PDCD6: variants seen among roughly 807,000 people sequenced by gnomAD.
PDCD6 encodes programmed cell death 6, also known as programmed cell death protein 6.
Under a neutral mutation model 28.3 loss-of-function variants are expected in PDCD6, and 12 were observed. The ratio of observed to expected loss-of-function variants is 0.42; its 90% confidence interval spans 0.27 to 0.69. The LOEUF (loss-of-function observed/expected upper bound fraction) is 0.69. PDCD6 is among the 30% of genes least tolerant of loss of function. The pLI, the probability that PDCD6 is intolerant of heterozygous loss-of-function variation, is 0.22. For synonymous variants in PDCD6, 92 were observed against 108.0 expected (o/e 0.85, Z 0.92); for missense variants, 226 against 269.9 (o/e 0.84, Z 1.14).
intron 2 of PDCD6, among the ~76,000 whole-genome samples, chr5:278,152 G>T (rs931842132): frequency 1.3e-5 from 2 of 152,138 alleles, no homozygotes; most frequent in African/African-American, 4.8e-5. Flanking sequence ...GGCAGAGACA[G>T]GCTAAAGGTC....
chr5:285,541 A>T lies in PDCD6; in HGVS notation c.163+12769A>T, dbSNP rs555690641. Among the ~76,000 whole-genome samples the T allele has an allele frequency of 8.7e-4, 132 of 151,078 alleles. 1 individual carries two copies. Among genetic ancestry groups the T allele is most frequent in the African/African-American group, 3.1e-3 (126 of 40,924 alleles). On this transcript the variant is annotated intron_variant, in intron 2 of 5. Transcript: ENST00000264933. ...GGTGGGGAGCTGATGTTCCAGTTTG[A>T]GGGCCGTGCAACTGGAGACCCGGCA...
chr5:294,930 C>G (rs1038595254), intron 2 of PDCD6, among the ~76,000 whole-genome samples: 1 of 152,152 alleles, frequency 6.6e-6, no homozygotes, highest in Non-Finnish European at 1.5e-5. Context: ...TCGGTGCGCA[C>G]AGGCCGAGGG....
At chr5:278,988 G>A (rs946525897) in intron 2 of PDCD6, among the ~76,000 whole-genome samples, 1 of 152,032 alleles carries the variant, frequency 6.6e-6, no homozygotes, top group Non-Finnish European at 1.5e-5. Context: ...GTTGTTTCGC[G>A]CCAAGCTAAT....
At chr5:297,422 G>A (rs550287997) in intron 2 of PDCD6, among the ~76,000 whole-genome samples, 2 of 152,328 alleles carry the variant, frequency 1.3e-5, no homozygotes, top group African/African-American at 2.4e-5. Context: ...CCATGTAGGC[G>A]ATAGATTTGT....
At chr5:303,188 A>C (rs570366339) in intron 2 of PDCD6, among the ~76,000 whole-genome samples, 2 of 151,702 alleles carry the variant, frequency 1.3e-5, no homozygotes, top group African/African-American at 4.8e-5. Flanking sequence ...GGCCTAAGGG[A>C]CCATGCCAGC....
intron 2 of PDCD6, among the ~76,000 whole-genome samples, chr5:277,970 G>A (rs1190378873): frequency 6.6e-6 from 1 of 151,552 alleles, no homozygotes; most frequent in Admixed American, 6.6e-5. Context: ...CAAAATCCAG[G>A]CCAGACAAAT....
intron 2 of PDCD6, among the ~76,000 whole-genome samples, chr5:301,631 T>A (rs1740057767): frequency 6.6e-6 from 1 of 151,796 alleles, no homozygotes; most frequent in Admixed American, 6.6e-5. Flanking sequence ...CACCTGCCTT[T>A]GTGGGGAGAG....
intron 2 of PDCD6, among the ~76,000 whole-genome samples, chr5:299,903 A>C (rs530229770): frequency 1.9e-3 from 294 of 151,936 alleles, no homozygotes; most frequent in South Asian, 7.3e-3. Context: ...CTTGGAGATC[A>C]CATATTAAAG....
chr5:312,201 G>A (rs1740964493), intron 5 of PDCD6: 1 of 152,268 alleles, frequency 6.6e-6, no homozygotes, highest in Non-Finnish European at 1.5e-5. Flanking sequence ...CTCCTTGGTG[G>A]TGTCTCTCCT....
chr5:298,275 T>G (rs1299374869), intron 2 of PDCD6, among the ~76,000 whole-genome samples: 1 of 152,082 alleles, frequency 6.6e-6, no homozygotes, highest in East Asian at 1.9e-4. Flanking sequence ...ATCATTTCAC[T>G]TAAACACATT....
Position 306,759 on chromosome 5 carries a change from C to T in PDCD6, c.366C>T (p.Phe122=), listed in dbSNP as rs562736743. The change falls in exon 4 of 6, where the codon TTC becomes TTT. Residue 122 remains phenylalanine (F), a splice_region_variant and synonymous_variant. Coordinates refer to ENST00000264933, the MANE Select transcript of PDCD6 (RefSeq NM_013232.4). ...KNELKQALSG[F]GYRLSDQFHD... ...AGCTGAAGCAGGCCCTCTCAGGTTTCGGTAACTCACTCACTCTGGCTTGTG... is the reference window on the plus strand; with the variant it reads ...AGCTGAAGCAGGCCCTCTCAGGTTTTGGTAACTCACTCACTCTGGCTTGTG... 90 of 1,613,404 alleles carry T rather than the reference C, an allele frequency of 5.6e-5. No homozygotes were observed. In the South Asian group the frequency reaches 7.8e-4, roughly 14 times the overall value.
At chr5:302,106 G>GTA (rs1740105255) in intron 2 of PDCD6, among the ~76,000 whole-genome samples, 2 of 106,542 alleles carry the variant, frequency 1.9e-5, no homozygotes, top group African/African-American at 4.2e-5. Context: ...GTGTGTGTGT[G>GTA]TGCCTTGGGT....
At chr5:311,718 G>A (rs550339126) in intron 5 of PDCD6, 34 of 306,268 alleles carry the variant, frequency 1.1e-4, no homozygotes, top group African/African-American at 1.8e-4. Context: ...TTTTGAGACC[G>A]AGTCTCGCTC....
chr5:299,394 A>G (rs902591939), intron 2 of PDCD6, among the ~76,000 whole-genome samples: 1 of 149,402 alleles, frequency 6.7e-6, no homozygotes, highest in African/African-American at 2.5e-5. Context: ...TGGAACCGTG[A>G]TCAGCCCATC....
chr5:283,197 AG>A (rs1738701449), intron 2 of PDCD6, among the ~76,000 whole-genome samples: 1 of 151,456 alleles, frequency 6.6e-6, no homozygotes, highest in South Asian at 2.1e-4. Context: ...ATCTAGATTC[AG>A]GGTCATGCAG....
chr5:306,731 A>C lies in PDCD6; in HGVS notation c.338A>C (p.Asn113Thr). Reference protein sequence around the residue: ...DRDNSGMIDKNELKQALSGFG... With the variant: ...DRDNSGMIDKTELKQALSGFG... Reference sequence around the variant, plus strand: ...GACAACTCCGGGATGATCGATAAGAACGAGCTGAAGCAGGCCCTCTCAGGT... The same window carrying C: ...GACAACTCCGGGATGATCGATAAGACCGAGCTGAAGCAGGCCCTCTCAGGT... The change falls in exon 4 of 6, where the codon AAC (asparagine) becomes ACC (threonine). Residue 113 changes from asparagine to threonine, a missense_variant. Transcript: ENST00000264933. 1 of 1,614,038 alleles carries C rather than the reference A, an allele frequency of 6.2e-7. No homozygotes were observed. The highest frequency in any genetic ancestry group is 8.5e-7 in the Non-Finnish European group (1 of 1,180,030).
In PDCD6 at chr5:282,320, A is replaced by C. The variant is rs1186864004; in HGVS notation, c.163+9548A>C. On this transcript the variant is annotated intron_variant, in intron 2 of 5. Coordinates refer to ENST00000264933, the MANE Select transcript of PDCD6 (RefSeq NM_013232.4). ...TTCGCGTTGAGGGTCTTTCAGCTGGAGACTCGGGGAGGAGCTGATGTTCTA... is the reference window on the plus strand; with the variant it reads ...TTCGCGTTGAGGGTCTTTCAGCTGGCGACTCGGGGAGGAGCTGATGTTCTA... 6.0e-5 allele frequency among the ~76,000 whole-genome samples: 9 copies of C among 150,086 alleles called. No homozygotes were observed. In the East Asian group the frequency reaches 1.4e-3, roughly 23 times the overall value.
Position 296,739 on chromosome 5 carries a change from G to A in PDCD6, c.164-7438G>A, listed in dbSNP as rs193266894. 5.3e-3 allele frequency among the ~76,000 whole-genome samples: 804 copies of A among 152,344 alleles called. 24 individuals carry two copies. The highest frequency in any genetic ancestry group is 0.047 in the Admixed American group (723 of 15,302). ...GAAAGGTGAGGAGGACGCTCCCTTC[G>A]AGGGTGGAGAGAGTAAGACTGGCAT... On this transcript the variant is annotated intron_variant, in intron 2 of 5. Coordinates refer to ENST00000264933, the MANE Select transcript of PDCD6 (RefSeq NM_013232.4).
At chr5:271,960 C>T (rs1381098936) in intron 1 of PDCD6, 139 bp downstream of exon 1, 1 of 402,224 alleles carries the variant, frequency 2.5e-6, no homozygotes, top group Non-Finnish European at 4.4e-6. Flanking sequence ...CCCGCGGCCC[C>T]CTCCCGTCCC....
Sources: allele counts gnomAD v4.1 joint callset (sites outside exome capture counted in the v4.1 genomes callset), GRCh38; gene constraint gnomAD v4.1.1; transcripts MANE v1.5; gene names NCBI Gene and HGNC (gene_info 2026-07-23, HGNC 2026-07-21).